Variants in RELCH observed in about 807,000 individuals in gnomAD.
RELCH encodes RAB11 binding and LisH domain, coiled-coil and HEAT repeat containing, also known as RAB11-binding protein RELCH.
In RELCH, 41 loss-of-function variants were observed where a neutral mutation model predicts 150.3. The ratio of observed to expected loss-of-function variants is 0.27; its 90% CI spans 0.21 to 0.35. The LOEUF is 0.35. Ranked by LOEUF, RELCH falls within the 10% of genes least tolerant of loss-of-function variation. The pLI is 1.00. For missense variants in RELCH, 1,092 were observed against 1,467.8 expected (o/e 0.74, Z 4.18); for synonymous variants, 478 against 531.8 (o/e 0.90, Z 1.39).
intron 24 of RELCH, among the ~76,000 whole-genome samples, chr18:62,281,092 A>T (rs913524564): frequency 6.6e-6 from 1 of 152,198 alleles, no homozygotes; most frequent in Non-Finnish European, 1.5e-5. Context: ...AAAAGCCTTA[A>T]ACAAAACAAA....
At chr18:62,212,428 C>T (rs760986116) in intron 2 of RELCH, among the ~76,000 whole-genome samples, 2 of 152,072 alleles carry the variant, frequency 1.3e-5, no homozygotes, top group African/African-American at 4.8e-5. Flanking sequence ...GGGACACACA[C>T]GGTCTGTGAA....
intron 19 of RELCH, 156 bp from the exon 20 acceptor site, chr18:62,268,713 T>C (rs993003169): frequency 5.0e-6 from 2 of 396,858 alleles, no homozygotes; most frequent in African/African-American, 4.2e-5. Context: ...TAAGTTGTAT[T>C]TTACAACCAC....
chr18:62,243,277 T>A (rs2042240460), intron 10 of RELCH, among the ~76,000 whole-genome samples: 1 of 152,138 alleles, frequency 6.6e-6, no homozygotes, highest in Admixed American at 6.6e-5. Flanking sequence ...GAATATTTAC[T>A]ATTTTGTAAA....
At chr18:62,271,814 A>G (rs928817440) in intron 20 of RELCH, among the ~76,000 whole-genome samples, 4 of 152,186 alleles carry the variant, frequency 2.6e-5, no homozygotes, top group Non-Finnish European at 5.9e-5. Flanking sequence ...ATGGCTAGCC[A>G]GTTTTCCCAG....
intron 26 of RELCH, among the ~76,000 whole-genome samples, chr18:62,288,813 A>G (rs1008262979): frequency 6.6e-6 from 1 of 152,186 alleles, no homozygotes; most frequent in Non-Finnish European, 1.5e-5. Flanking sequence ...GATATTCTGA[A>G]TTAGCAAGTA....
chr18:62,272,368 T>C (rs941297639), intron 20 of RELCH, among the ~76,000 whole-genome samples: 1 of 152,176 alleles, frequency 6.6e-6, no homozygotes, highest in Non-Finnish European at 1.5e-5. Context: ...TGACCATAAA[T>C]AACATTTTAA....
chr18:62,266,172 ATTAAAG>A (rs539232327), intron 18 of RELCH, among the ~76,000 whole-genome samples: 163 of 152,062 alleles, frequency 1.1e-3, no homozygotes, highest in African/African-American at 3.8e-3. Context: ...AACTTAACAT[ATTAAAG>A]TTAAATTCTG....
chr18:62,261,789 A>G, intron 16 of RELCH, 131 bp downstream of exon 16: 2 of 699,808 alleles, frequency 2.9e-6, no homozygotes, highest in South Asian at 2.2e-5. Context: ...TTATGTGTGT[A>G]GAATCTCATG....
intron 28 of RELCH, among the ~76,000 whole-genome samples, chr18:62,299,850 A>C (rs1317283747): frequency 6.6e-6 from 1 of 152,302 alleles, no homozygotes; most frequent in South Asian, 2.1e-4. Flanking sequence ...GTATCTTTTA[A>C]AGATAAGTAT....
chr18:62,196,398 T>C (rs1467794486), intron 1 of RELCH, among the ~76,000 whole-genome samples: 2 of 152,120 alleles, frequency 1.3e-5, no homozygotes, highest in African/African-American at 4.8e-5. Context: ...CCTGGCTAAT[T>C]TTTGTATTTT....
rs2040057026 is a variant in RELCH at position 62,209,978 on chromosome 18, T to TAA, written c.527-1175_527-1174insAA. Among the ~76,000 whole-genome samples, 3 of 152,332 alleles carry TAA rather than the reference T, an allele frequency of 2.0e-5. No individual in the cohort carries two copies. The South Asian group carries it at 6.2e-4, about 32-fold the overall frequency. ...CCCATGTTCTGCAACTTTGAAAAAC[T>TAA]CATTTGTTACGTCTAATGTTTTTCA... On this transcript the variant is annotated intron_variant, in intron 1 of 28. Coordinates refer to ENST00000644646, the MANE Select transcript of RELCH (RefSeq NM_001346231.2).
chr18:62,201,081 C>T (rs935861625), intron 1 of RELCH, among the ~76,000 whole-genome samples: 1 of 139,652 alleles, frequency 7.2e-6, no homozygotes. Context: ...TCCAGTGATT[C>T]TCCTGCCTCA....
intron 13 of RELCH, among the ~76,000 whole-genome samples, chr18:62,256,166 C>CT (rs1422787111): frequency 5.3e-5 from 8 of 150,318 alleles, no homozygotes; most frequent in South Asian, 2.1e-4. Context: ...CAACTAGCTG[C>CT]TTTTTTTTTA....
At chr18:62,244,721 A>G (rs921734446) in intron 10 of RELCH, 43 bp from the exon 11 acceptor site, 1 of 1,216,428 alleles carries the variant, frequency 8.2e-7, no homozygotes, top group African/African-American at 1.5e-5. Flanking sequence ...AATATTCTGC[A>G]ATGTGTTTTT....
chr18:62,254,731 G>A (rs1381367311), intron 12 of RELCH: 1 of 151,844 alleles, frequency 6.6e-6, no homozygotes, highest in Non-Finnish European at 1.5e-5. Flanking sequence ...CTTTTCATAT[G>A]GGAATATGAG....
At position 62,257,932 on chromosome 18, in the gene RELCH, A is replaced by T; in HGVS notation, c.1897-16A>T. On this transcript the variant is annotated splice_polypyrimidine_tract_variant and intron_variant, in intron 13 of 28. Coordinates refer to ENST00000644646, the MANE Select transcript of RELCH (RefSeq NM_001346231.2). Reference sequence around the variant, plus strand: ...GCTTAGGTGTAAATAAATAGTAAAAACATGTTTATTTTCAGAAAGAAATCC... The same window carrying T: ...GCTTAGGTGTAAATAAATAGTAAAATCATGTTTATTTTCAGAAAGAAATCC... 1 of 1,575,440 alleles carries T rather than the reference A, an allele frequency of 6.3e-7. No homozygotes were observed. Among genetic ancestry groups the T allele is most frequent in the South Asian group, 1.2e-5 (1 of 85,542 alleles).
chr18:62,261,323 GATGTTTACCCT>G (rs1225452544), intron 15 of RELCH, among the ~76,000 whole-genome samples, 177 bp from the exon 16 acceptor site: 2 of 151,990 alleles, frequency 1.3e-5, no homozygotes, highest in Non-Finnish European at 2.9e-5. Flanking sequence ...GGAAATGACT[GATGTTTACCCT>G]ATAGTTTTCC....
intron 1 of RELCH, among the ~76,000 whole-genome samples, chr18:62,189,245 G>T (rs1445875955): frequency 2.0e-5 from 3 of 147,606 alleles, no homozygotes; most frequent in African/African-American, 7.4e-5. Flanking sequence ...ATGTGTGGTG[G>T]TGGGTCTTTT....
intron 5 of RELCH, among the ~76,000 whole-genome samples, chr18:62,226,762 T>C (rs916998086): frequency 7.2e-5 from 11 of 152,134 alleles, no homozygotes; most frequent in Non-Finnish European, 1.3e-4. Flanking sequence ...CCTATTGATC[T>C]AGAAGGTCAG....
Sources: allele counts gnomAD v4.1 joint callset (sites outside exome capture counted in the v4.1 genomes callset), GRCh38; gene constraint gnomAD v4.1.1; transcripts MANE v1.5; gene names NCBI Gene and HGNC (gene_info 2026-07-23, HGNC 2026-07-21).